Variants in LOXL1 observed in about 807,000 individuals in gnomAD.
The protein encoded by LOXL1 is lysyl oxidase like 1.
LOXL1 carries 31 observed loss-of-function variants against 62.2 expected under a neutral mutation model. The observed-to-expected ratio is 0.50, with a 90% CI of 0.37 to 0.67. LOXL1 has a LOEUF of 0.67. Among genes scored for constraint, LOXL1 ranks in the 30% least tolerant of loss-of-function variants. The probability of loss-of-function intolerance (pLI) is 0.00; values close to 1 mark genes in which losing one functional copy is unlikely to be tolerated. For missense variants in LOXL1, 775 were observed against 843.4 expected (o/e 0.92, Z 1.00); for synonymous variants, 403 against 384.4 (o/e 1.05, Z -0.56).
chr15:73,941,008 G>A (rs776729555), intron 1 of LOXL1, among the ~76,000 whole-genome samples: 1 of 152,074 alleles, frequency 6.6e-6, no homozygotes, highest in Non-Finnish European at 1.5e-5. Context: ...GGTCTCCTGA[G>A]TCTTAAGGCC....
intron 1 of LOXL1, among the ~76,000 whole-genome samples, chr15:73,939,487 G>A (rs932623344): frequency 3.9e-5 from 6 of 152,338 alleles, no homozygotes; most frequent in African/African-American, 1.4e-4. Context: ...GATTGTTAGA[G>A]ATGTAGAACA....
intron 5 of LOXL1, 94 bp from the exon 6 acceptor site, chr15:73,949,365 G>A (rs888786151): frequency 3.9e-6 from 3 of 771,940 alleles, no homozygotes; most frequent in South Asian, 1.4e-5. Context: ...CTCTCTGTCT[G>A]TCTGTCTGCC....
intron 1 of LOXL1, among the ~76,000 whole-genome samples, chr15:73,935,640 A>G (rs1356578627): frequency 6.6e-6 from 1 of 152,138 alleles, no homozygotes; most frequent in Non-Finnish European, 1.5e-5. Flanking sequence ...AATGTGCATT[A>G]GGTGTGCAGA....
chr15:73,941,771 C>T (rs1269685545), intron 1 of LOXL1: 2 of 153,396 alleles, frequency 1.3e-5, no homozygotes, highest in East Asian at 1.9e-4. Context: ...GCTGCCCGCA[C>T]CCACCCCAGC....
intron 4 of LOXL1, 118 bp from the exon 5 acceptor site, chr15:73,947,689 T>G: frequency 1.4e-6 from 1 of 712,312 alleles, no homozygotes; most frequent in Non-Finnish European, 2.5e-6. Context: ...GCAGTTGCCC[T>G]GGGCCAGGGT....
chr15:73,946,523 C>A lies in LOXL1; in HGVS notation c.1318C>A (p.Arg440=), dbSNP rs779859704. The stretch of plus-strand genomic sequence containing the variant: ...AGCAGACTTCCTCCCCAACCGGCCA[C>A]GGCACACCTGGGAGTGGCACAGCTG... ...GTADFLPNRP[R]HTWEWHSCHQ... is the part of the protein sequence containing the mutation. Residue 440 remains arginine, a synonymous_variant, in exon 3 of 7, where the codon CGG becomes AGG. Transcript: ENST00000261921. 2 of 1,609,724 alleles carry A rather than the reference C, an allele frequency of 1.2e-6. No individual in the cohort carries two copies. The highest frequency in any genetic ancestry group is 8.5e-7 in the Non-Finnish European group (1 of 1,178,270).
rs915201438 is a variant in LOXL1, at chr15:73,926,603, T to C, written c.-181T>C. On this transcript the variant is annotated 5_prime_UTR_variant, in exon 1 of 7. Transcript: ENST00000261921. ...ACCGCCCCTGCCCTGCCCTGACCCC[T>C]TGGCCTTGAAATGCTGTCATCGGAG... 4.6e-6 allele frequency: 3 copies of C among 649,346 alleles called. No individual in the cohort carries two copies. Among genetic ancestry groups the C allele is most frequent in the Non-Finnish European group, 6.9e-6 (3 of 434,852 alleles). The allele number at this position is 649,346 out of a possible 1,614,324, so 40.2% of individuals were successfully genotyped here.
chr15:73,947,229 G>A lies in LOXL1; in HGVS notation c.1506+6G>A, dbSNP rs1462545137. The A allele has an allele frequency of 5.7e-6, 9 of 1,591,852 alleles. No individual in the cohort carries two copies. The highest frequency in any genetic ancestry group is 1.3e-5 in the African/African-American group (1 of 74,670). ...CATGCACCTCTCATACCCAGGTTGG[G>A]CTGGAGAGATGGGGTTTGGGGCATG... On this transcript the variant is annotated splice_donor_region_variant and intron_variant, in intron 4 of 6. Transcript: ENST00000261921.
intron 1 of LOXL1, among the ~76,000 whole-genome samples, chr15:73,942,342 A>G (rs1000374347): frequency 4.0e-5 from 6 of 149,864 alleles, no homozygotes; most frequent in African/African-American, 1.5e-4. Context: ...TCAGGGACAC[A>G]CTCCAGGCCA....
rs143555452 is a variant in LOXL1 at position 73,949,555 on chromosome 15, A to G, written c.1699A>G (p.Thr567Ala). The G allele has an allele frequency of 4.3e-4, 694 of 1,613,576 alleles. 1 individual carries two copies. The African/African-American group carries it at 5.7e-3, about 13-fold the overall frequency. Residue 567 changes from threonine (T) to alanine (A), a missense_variant, in exon 6 of 7, where the codon ACA (threonine) becomes GCA (alanine). Coordinates refer to ENST00000261921, the MANE Select transcript of LOXL1 (RefSeq NM_005576.4). ...IHYTGRYVSATNCKIVQS is the reference protein window; with the variant it reads ...IHYTGRYVSAANCKIVQS ...CTACACAGGTCGCTACGTTTCTGCAACAAACTGCAAAATTGTCCAGTAAGA... is the reference window on the plus strand; with the variant it reads ...CTACACAGGTCGCTACGTTTCTGCAGCAAACTGCAAAATTGTCCAGTAAGA...
chr15:73,933,999 C>T lies in LOXL1; in HGVS notation c.1102+6114C>T, dbSNP rs1439822090. Among the ~76,000 whole-genome samples, 30 of 152,226 alleles carry T rather than the reference C, an allele frequency of 2.0e-4. 1 individual carries two copies. The highest frequency in any genetic ancestry group is 1.2e-4 in the Non-Finnish European group (8 of 68,042). On this transcript the variant is annotated intron_variant, in intron 1 of 6. Transcript: ENST00000261921. ...CCTCTTGCTGATGGGCACCCAGAAA[C>T]CAGGCATTGCAGTACCACTTGGAAA...
chr15:73,951,826 C>T lies in LOXL1; in HGVS notation c.1719-5C>T, dbSNP rs764175383. 4 of 1,551,546 alleles carry T rather than the reference C, an allele frequency of 2.6e-6. No homozygotes were observed. The highest frequency in any genetic ancestry group is 3.5e-6 in the Non-Finnish European group (4 of 1,145,246). ...CTCATTGACCCACTGTCTTTCCTTC[C>T]TCAGATCCTGATCTCCGGGAGGGAC... On this transcript the variant is annotated splice_polypyrimidine_tract_variant and splice_region_variant and intron_variant, in intron 6 of 6. Transcript: ENST00000261921.
intron 6 of LOXL1, among the ~76,000 whole-genome samples, chr15:73,950,787 C>T (rs2068779296): frequency 6.6e-6 from 1 of 152,232 alleles, no homozygotes; most frequent in East Asian, 1.9e-4. Context: ...AGACAGCCCT[C>T]TCACACTTGG....
chr15:73,944,534 T>G (rs1405888807), intron 2 of LOXL1, among the ~76,000 whole-genome samples: 2 of 151,560 alleles, frequency 1.3e-5, no homozygotes, highest in Admixed American at 6.6e-5. Flanking sequence ...TCAGAGGAGG[T>G]GGGCGTGGGA....
chr15:73,938,158 T>C lies in LOXL1; in HGVS notation c.1103-4696T>C, dbSNP rs144415582. 1.3e-3 allele frequency among the ~76,000 whole-genome samples: 205 copies of C among 151,888 alleles called. 1 individual carries two copies. The highest frequency in any genetic ancestry group is 4.7e-3 in the African/African-American group (196 of 41,434). ...AAAATTTAGCCAGAGCACACACCTG[T>C]AATCCCAGCTGCTCAGGAGGCTGAG... On this transcript the variant is annotated intron_variant, in intron 1 of 6. Coordinates refer to ENST00000261921, the MANE Select transcript of LOXL1 (RefSeq NM_005576.4).
At chr15:73,934,211 C>T (rs1196648812) in intron 1 of LOXL1, among the ~76,000 whole-genome samples, 1 of 152,210 alleles carries the variant, frequency 6.6e-6, no homozygotes, top group Non-Finnish European at 1.5e-5. Flanking sequence ...CTCTGGGAAT[C>T]GATTCCAGAC....
At position 73,947,306 on chromosome 15, in the gene LOXL1, A is replaced by G. The variant is rs2068755174; in HGVS notation, c.1506+83A>G. ...GAGCGAGGCCCGCTGAGGCCCGGCA[A>G]GTGCCAAGGCTTCTGGCCACTCAGC... On this transcript the variant is annotated intron_variant, in intron 4 of 6. Coordinates refer to ENST00000261921, the MANE Select transcript of LOXL1 (RefSeq NM_005576.4). 4 of 1,470,334 alleles carry G rather than the reference A, an allele frequency of 2.7e-6. No homozygotes were observed. The African/African-American group carries it at 5.6e-5, about 21-fold the overall frequency. The allele number at this position is 1,470,334 out of a possible 1,614,324, so 91.1% of individuals were successfully genotyped here.
chr15:73,946,149 G>A (rs1029306552), intron 2 of LOXL1, among the ~76,000 whole-genome samples: 22 of 152,322 alleles, frequency 1.4e-4, no homozygotes, highest in African/African-American at 4.3e-4. Context: ...GCTTGGTACC[G>A]CTTTAGAAAG....
intron 5 of LOXL1, 133 bp downstream of exon 5, chr15:73,948,035 C>T (rs2068760426): frequency 3.3e-6 from 2 of 611,514 alleles, no homozygotes; most frequent in Non-Finnish European, 5.7e-6. Flanking sequence ...GCATCTGAGG[C>T]ATCACTTGAG....
Sources: allele counts gnomAD v4.1 joint callset (sites outside exome capture counted in the v4.1 genomes callset), GRCh38; gene constraint gnomAD v4.1.1; transcripts MANE v1.5; gene names NCBI Gene and HGNC (gene_info 2026-07-23, HGNC 2026-07-21).